The following CLIC4 variants were observed in gnomAD, a reference collection of about 807,000 sequenced individuals.
CLIC4 encodes CLIC family member 4.
In CLIC4, 13 loss-of-function variants were observed where a neutral mutation model predicts 24.6. The ratio of observed to expected loss-of-function variants is 0.53; its 90% CI spans 0.34 to 0.84. The LOEUF (loss-of-function observed/expected upper bound fraction) is 0.84. Ranked by LOEUF, CLIC4 falls within the 40% of genes least tolerant of loss-of-function variation. The probability of loss-of-function intolerance (pLI) is 0.01; values close to 1 mark genes in which losing one functional copy is unlikely to be tolerated. For missense variants in CLIC4, 227 were observed against 301.7 expected (o/e 0.75, Z 1.83); for synonymous variants, 104 against 111.3 (o/e 0.93, Z 0.41).
At chr1:24,810,344 T>TA (rs1366149852) in intron 2 of CLIC4, among the ~76,000 whole-genome samples, 4 of 152,190 alleles carry the variant, frequency 2.6e-5, no homozygotes, top group Admixed American at 6.5e-5. Flanking sequence ...CTGTGTCTGG[T>TA]AAAAATACCA....
At chr1:24,757,604 A>G (rs1313730736) in intron 1 of CLIC4, among the ~76,000 whole-genome samples, 1 of 152,098 alleles carries the variant, frequency 6.6e-6, no homozygotes, top group Non-Finnish European at 1.5e-5. Context: ...ACCAAACTAG[A>G]TTATTGTGCT....
At chr1:24,791,480 C>G (rs1639333443) in intron 1 of CLIC4, among the ~76,000 whole-genome samples, 1 of 152,270 alleles carries the variant, frequency 6.6e-6, no homozygotes, top group Non-Finnish European at 1.5e-5. Context: ...TGGCTCACAC[C>G]TGTAATGCCA....
intron 4 of CLIC4, among the ~76,000 whole-genome samples, chr1:24,831,986 A>G (rs1334295677): frequency 1.3e-5 from 2 of 152,056 alleles, no homozygotes; most frequent in Admixed American, 6.6e-5. Flanking sequence ...TTGTTTTACA[A>G]CCTTGAGATT....
rs1639957351 is a variant in CLIC4 at position 24,842,910 on chromosome 1, A to T, written c.*1973A>T. 1 of 152,172 alleles carries T rather than the reference A, an allele frequency of 6.6e-6. No homozygotes were observed. The highest frequency in any genetic ancestry group is 2.1e-4 in the South Asian group (1 of 4,824). The allele number at this position is 152,172 out of a possible 1,614,324, so 9.4% of individuals were successfully genotyped here. ...CTGGTGATTCTGAACCTTGCCTCAT[A>T]GCTTAAAGTATAAAAAAGATTCAAG... On this transcript the variant is annotated 3_prime_UTR_variant, in exon 6 of 6. Coordinates refer to ENST00000374379, the MANE Select transcript of CLIC4 (RefSeq NM_013943.3).
intron 1 of CLIC4, among the ~76,000 whole-genome samples, chr1:24,785,854 CAAAAAAAA>C (rs61009244): frequency 8.5e-5 from 5 of 58,866 alleles, no homozygotes; most frequent in East Asian, 5.0e-4. Context: ...GACTACAACT[CAAAAAAAA>C]AAAAAAAAAA....
rs187467791 is a variant in CLIC4 at position 24,797,431 on chromosome 1, C to A, written c.73-311C>A. Among the ~76,000 whole-genome samples the A allele has an allele frequency of 3.4e-3, 515 of 151,278 alleles. 3 individuals are homozygous for A. Among genetic ancestry groups the A allele is most frequent in the Non-Finnish European group, 4.9e-3 (331 of 67,822 alleles). The stretch of plus-strand genomic sequence containing the variant: ...TCTACTAAAACTATTAAAAATTAGC[C>A]GGGATGGTGGTACGTGCCTGTAGCT... On this transcript the variant is annotated intron_variant, in intron 1 of 5. Coordinates refer to ENST00000374379, the MANE Select transcript of CLIC4 (RefSeq NM_013943.3).
At chr1:24,796,944 T>TTTTA (rs1312518072) in intron 1 of CLIC4, among the ~76,000 whole-genome samples, 12 of 151,650 alleles carry the variant, frequency 7.9e-5, no homozygotes, top group African/African-American at 2.4e-4. Context: ...TTATTTTTTA[T>TTTTA]TTTATTTATT....
intron 1 of CLIC4, among the ~76,000 whole-genome samples, chr1:24,752,711 C>T (rs986324278): frequency 2.6e-5 from 4 of 152,066 alleles, no homozygotes; most frequent in Non-Finnish European, 4.4e-5. Context: ...CTTTTGTCAT[C>T]GATAATAGTT....
chr1:24,773,779 T>G (rs2124104408), intron 1 of CLIC4, among the ~76,000 whole-genome samples: 1 of 151,818 alleles, frequency 6.6e-6, no homozygotes, highest in East Asian at 1.9e-4. Context: ...TTATTTTTCA[T>G]AGAGATGGGG....
At chr1:24,750,899 C>G (rs769915522) in intron 1 of CLIC4, among the ~76,000 whole-genome samples, 1 of 151,878 alleles carries the variant, frequency 6.6e-6, no homozygotes, top group East Asian at 1.9e-4. Context: ...GGCAGATCTC[C>G]CCTACTAGAT....
At chr1:24,775,587 CCTT>C (rs1236934311) in intron 1 of CLIC4, among the ~76,000 whole-genome samples, 1 of 145,986 alleles carries the variant, frequency 6.8e-6, no homozygotes, top group African/African-American at 2.5e-5. Flanking sequence ...CTTTTCTTTT[CCTT>C]CTTTATTCTA....
At chr1:24,799,363 G>T (rs183921673) in intron 2 of CLIC4, among the ~76,000 whole-genome samples, 2 of 151,710 alleles carry the variant, frequency 1.3e-5, no homozygotes, top group South Asian at 4.2e-4. Flanking sequence ...GGTGAGGAGC[G>T]TCTCTGTCCG....
chr1:24,764,681 T>C (rs2124094148), intron 1 of CLIC4, among the ~76,000 whole-genome samples: 1 of 152,048 alleles, frequency 6.6e-6, no homozygotes, highest in East Asian at 2.0e-4. Flanking sequence ...ATTCATACTC[T>C]GGTATCTTCT....
intron 3 of CLIC4, among the ~76,000 whole-genome samples, chr1:24,815,819 G>A (rs1173861249): frequency 6.6e-6 from 1 of 152,164 alleles, no homozygotes. Flanking sequence ...CTGTTTGATA[G>A]TGTTTTTACC....
In CLIC4 at chr1:24,748,510, T is replaced by G. The variant is rs529816351; in HGVS notation, c.72+2885T>G. On this transcript the variant is annotated intron_variant, in intron 1 of 5. Coordinates refer to ENST00000374379, the MANE Select transcript of CLIC4 (RefSeq NM_013943.3). ...AGATCAGGTTTTTTGTTTTTTTTTT[T>G]TTTTTTTTTTTTAATGAGATGGTGT... Among the ~76,000 whole-genome samples the G allele has an allele frequency of 4.2e-5, 6 of 144,112 alleles. No individual in the cohort carries two copies. In the East Asian group the frequency reaches 7.9e-4, roughly 19 times the overall value. 94.5% of individuals were successfully genotyped at this position (144,112 alleles called of 152,430 possible). A position where few individuals can be genotyped will look rare whatever the true frequency, so the allele number is the denominator to read the frequency against.
rs372069863 is a variant in CLIC4 at position 24,818,277 on chromosome 1, G to T, written c.308+4058G>T. Among the ~76,000 whole-genome samples the T allele has an allele frequency of 3.6e-4, 55 of 150,886 alleles. No individual in the cohort carries two copies. In the East Asian group the frequency reaches 6.0e-3, roughly 17 times the overall value. On this transcript the variant is annotated intron_variant, in intron 3 of 5. Transcript: ENST00000374379. Reference sequence around the variant, plus strand: ...GTTATACCTGAAGTTACTCAATTTGGTTTTTTTTTGTTTGTTTTGTTTTTT... The same window carrying T: ...GTTATACCTGAAGTTACTCAATTTGTTTTTTTTTTGTTTGTTTTGTTTTTT...
intron 1 of CLIC4, among the ~76,000 whole-genome samples, chr1:24,795,781 G>A (rs1639391882): frequency 6.6e-6 from 1 of 152,168 alleles, no homozygotes; most frequent in Non-Finnish European, 1.5e-5. Context: ...TGTTGGTCAG[G>A]CTGGTCTCAA....
At chr1:24,784,974 A>G (rs1639248786) in intron 1 of CLIC4, among the ~76,000 whole-genome samples, 1 of 148,244 alleles carries the variant, frequency 6.7e-6, no homozygotes. Context: ...ACTGCACTCC[A>G]GCCTGGGCGA....
intron 1 of CLIC4, among the ~76,000 whole-genome samples, chr1:24,761,433 A>G (rs1253798561): frequency 1.3e-5 from 2 of 152,174 alleles, no homozygotes; most frequent in Non-Finnish European, 2.9e-5. Flanking sequence ...AGTAATTAGA[A>G]TGAGGGGAAA....
Sources: allele counts gnomAD v4.1 joint callset (sites outside exome capture counted in the v4.1 genomes callset), GRCh38; gene constraint gnomAD v4.1.1; transcripts MANE v1.5; gene names NCBI Gene and HGNC (gene_info 2026-07-23, HGNC 2026-07-21).